OGG1: variants seen among roughly 807,000 people sequenced by gnomAD.
OGG1 encodes N-glycosylase/DNA lyase.
A neutral mutation model predicts 42.3 loss-of-function variants in OGG1; 35 were observed. That is an observed-to-expected ratio of 0.83 (90% CI 0.63 to 1.10). The LOEUF (loss-of-function observed/expected upper bound fraction) is 1.10. Among genes scored for constraint, OGG1 ranks in the 50% least tolerant of loss-of-function variants. The pLI is 0.00. For synonymous variants in OGG1, 189 were observed against 179.0 expected, an observed-to-expected ratio of 1.06 and a Z score of -0.44; for missense variants, 484 against 446.7, an observed-to-expected ratio of 1.08 and a Z score of -0.75.
At chr3:9,781,621 A>G (rs1308839945) in intron 3 of OGG1, 3 of 455,008 alleles carry the variant, frequency 6.6e-6, no homozygotes, top group African/African-American at 2.0e-5. Context: ...CACCAGATCA[A>G]TCTCTCTGAA....
At chr3:9,775,715 C>A (rs1193479502) in intron 2 of OGG1, among the ~76,000 whole-genome samples, 5 of 151,824 alleles carry the variant, frequency 3.3e-5, no homozygotes, top group African/African-American at 9.7e-5. Context: ...TCTCTGCTCA[C>A]TGTAACCTCC....
chr3:9,772,658 TGAGTGATA>T (rs951946823), intron 2 of OGG1, among the ~76,000 whole-genome samples: 5 of 152,258 alleles, frequency 3.3e-5, no homozygotes, highest in Admixed American at 3.3e-4. Context: ...TGGCTCTGCT[TGAGTGATA>T]GAGTGACATG....
chr3:9,783,329 T>G (rs1422970500), intron 3 of OGG1: 2 of 152,054 alleles, frequency 1.3e-5, no homozygotes, highest in Non-Finnish European at 2.9e-5. Flanking sequence ...TTTTTTCTTT[T>G]TTTTTTTGAG....
At chr3:9,780,627 A>C in intron 2 of OGG1, 1 of 1,445,602 alleles carries the variant, frequency 6.9e-7, no homozygotes, top group East Asian at 2.5e-5. Flanking sequence ...GACCGAGCCT[A>C]CCCACCAGCC....
intron 3 of OGG1, among the ~76,000 whole-genome samples, chr3:9,782,678 C>A (rs1413281846): frequency 4.0e-5 from 6 of 151,896 alleles, no homozygotes; most frequent in African/African-American, 1.2e-4. Context: ...GTAATCCCAA[C>A]TACTCAGGAG....
chr3:9,759,866 A>G, downstream of OGG1: 2 of 1,570,704 alleles, frequency 1.3e-6, no homozygotes, highest in Non-Finnish European at 1.7e-6. Context: ...AGGCCAAATC[A>G]GTCCATGCCC....
chr3:9,787,825 C>G lies in OGG1; in HGVS notation c.*94C>G, dbSNP rs558629945. ...ACTGACTAACTTTCTGCTGGGGAAT[C>G]TGAAAGAGTGCTTTGGTGGAGGTAA... On this transcript the variant is annotated 3_prime_UTR_variant, in exon 4 of 4. Coordinates refer to the OGG1 transcript ENST00000426518. The G allele has an allele frequency of 1.0e-4, 76 of 763,192 alleles. 1 individual carries two copies. The South Asian group carries it at 1.1e-3, about 11-fold the overall frequency. The allele number at this position is 763,192 out of a possible 1,614,324, so 47.3% of individuals were successfully genotyped here.
chr3:9,767,530 G>C (rs535452489), downstream of OGG1: 2 of 1,049,006 alleles, frequency 1.9e-6, no homozygotes, highest in South Asian at 3.1e-5. Context: ...GAAAAGCTGG[G>C]GACAGTTTAG....
downstream of OGG1, chr3:9,761,449 A>T (rs1166449879): frequency 8.1e-6 from 13 of 1,605,960 alleles, no homozygotes; most frequent in African/African-American, 1.3e-5. Context: ...ACCATGGCCA[A>T]GCCCCACTTA....
chr3:9,784,326 C>A (rs2078553479), intron 3 of OGG1: 6 of 1,376,980 alleles, frequency 4.4e-6, no homozygotes, highest in Non-Finnish European at 5.8e-6. Context: ...CCTTTGGGCA[C>A]CCCCTCTGTA....
At chr3:9,779,368 G>A (rs749511804) in intron 2 of OGG1, among the ~76,000 whole-genome samples, 5 of 152,084 alleles carry the variant, frequency 3.3e-5, no homozygotes, top group African/African-American at 4.8e-5. Context: ...CGCTGGCTCC[G>A]GCTCCCTCCT....
intron 3 of OGG1, among the ~76,000 whole-genome samples, chr3:9,784,991 A>AT (rs1475001399): frequency 6.6e-6 from 1 of 152,242 alleles, no homozygotes; most frequent in African/African-American, 2.4e-5. Flanking sequence ...TTTTCATGTC[A>AT]TTTAACTATA....
chr3:9,782,652 A>G lies in OGG1; in HGVS notation c.382+1052A>G, dbSNP rs1015597620. ...AGAATGGCCAAATGATTAGCCTGGC[A>G]TGGTAGTGCATGCCTGTAATCCCAA... On this transcript the variant is annotated intron_variant, in intron 3 of 3. Transcript: ENST00000426518. 2.6e-5 allele frequency among the ~76,000 whole-genome samples: 4 copies of G among 152,180 alleles called. No homozygotes were observed. The East Asian group carries it at 7.7e-4, about 29-fold the overall frequency.
chr3:9,760,806 G>C, downstream of OGG1: 1 of 1,612,544 alleles, frequency 6.2e-7, no homozygotes, highest in Non-Finnish European at 8.5e-7. Flanking sequence ...TCCACTTTCG[G>C]GTGCCGTTGG....
intron 2 of OGG1, among the ~76,000 whole-genome samples, chr3:9,779,261 G>A (rs1185151955): frequency 6.6e-6 from 1 of 152,186 alleles, no homozygotes; most frequent in Non-Finnish European, 1.5e-5. Flanking sequence ...TTGCCACAGT[G>A]ACTGAGGAAT....
In OGG1 at chr3:9,750,366, C is replaced by T. The variant is rs751154870; in HGVS notation, c.80C>T (p.Pro27Leu). The change falls in exon 1 of 7, where the codon CCG becomes CTG. Residue 27 changes from proline (P) to leucine (L), a missense_variant. Transcript: ENST00000344629. Reference protein sequence around the residue: ...ASTPALWASIPCPRSELRLDL... With the variant: ...ASTPALWASILCPRSELRLDL... ...ACTCCTGCCCTGTGGGCCTCCATCC[C>T]GTGCCCTCGCTCTGAGCTGCGCCTG... is the stretch of plus-strand genomic sequence containing the variant. 2 of 1,614,054 alleles carry T rather than the reference C, an allele frequency of 1.2e-6. No individual in the cohort carries two copies. Among genetic ancestry groups the T allele is most frequent in the Non-Finnish European group, 1.7e-6 (2 of 1,180,030 alleles).
intron 7 of OGG1, chr3:9,763,240 C>T (rs1323769109): frequency 9.3e-6 from 15 of 1,613,222 alleles, no homozygotes; most frequent in Non-Finnish European, 1.2e-5. Context: ...GGTGGTTTAG[C>T]CAGGCATGGC....
At chr3:9,760,444 C>G (rs1475363456), downstream of OGG1, 1 of 515,062 alleles carries the variant, frequency 1.9e-6, no homozygotes, top group Non-Finnish European at 3.5e-6. Context: ...GAAGATTGAA[C>G]AAATGAATGC....
intron 4 of OGG1, 93 bp from the exon 5 acceptor site, chr3:9,756,377 GT>G (rs2077560101): frequency 1.6e-6 from 2 of 1,235,130 alleles, no homozygotes; most frequent in African/African-American, 3.0e-5. Context: ...TAACCCCAGA[GT>G]GAAGGAGAAA....
Sources: gnomAD v4.1 joint callset for allele counts (sites outside exome capture counted in the v4.1 genomes callset) on GRCh38, gnomAD v4.1.1 for gene constraint, MANE v1.5 for transcripts, NCBI Gene and HGNC (gene_info 2026-07-23, HGNC 2026-07-21) for gene names.